Variants in MAGI2 observed in about 807,000 individuals in gnomAD.
MAGI2 encodes membrane-associated guanylate kinase, WW and PDZ domain-containing protein 2.
MAGI2 carries 35 observed loss-of-function variants against 133.3 expected under a neutral mutation model. That is an observed-to-expected ratio of 0.26 (90% confidence interval 0.20 to 0.35). MAGI2 has a LOEUF of 0.35. MAGI2 is among the 10% of genes least tolerant of loss of function. The pLI, the probability that MAGI2 is intolerant of heterozygous loss-of-function variation, is 1.00. For missense variants in MAGI2, 1,636 were observed against 1,863.4 expected (o/e 0.88, Z 2.25); for synonymous variants, 729 against 710.6 (o/e 1.03, Z -0.41).
chr7:78,146,171 G>C (rs1413813594), intron 16 of MAGI2, among the ~76,000 whole-genome samples: 3 of 151,536 alleles, frequency 2.0e-5, no homozygotes, highest in African/African-American at 7.3e-5. Context: ...AGTATTTTAG[G>C]TTCTGGGCCT....
chr7:79,174,837 G>T (rs936206137), intron 1 of MAGI2, among the ~76,000 whole-genome samples: 1 of 151,800 alleles, frequency 6.6e-6, no homozygotes, highest in Non-Finnish European at 1.5e-5. Flanking sequence ...TTAGACAACA[G>T]TGAAATATTA....
At chr7:78,953,243 GCATCTGGTATC>G (rs1265120127) in intron 2 of MAGI2, among the ~76,000 whole-genome samples, 3 of 152,032 alleles carry the variant, frequency 2.0e-5, no homozygotes, top group African/African-American at 7.2e-5. Context: ...TACTTATTTG[GCATCTGGTATC>G]CATCTGAATG....
chr7:78,912,064 A>G lies in MAGI2; in HGVS notation c.418+95026T>C, dbSNP rs1029786094. Among the ~76,000 whole-genome samples, 267 of 152,320 alleles carry G rather than the reference A, an allele frequency of 1.8e-3. 1 individual carries two copies. Among genetic ancestry groups the G allele is most frequent in the African/African-American group, 6.2e-3 (256 of 41,582 alleles). ...TAAAAATGAATAAAGATCATCTTTTATAATGGATTATCATATTGTTTCTTA... is the reference window on the plus strand; with the variant it reads ...TAAAAATGAATAAAGATCATCTTTTGTAATGGATTATCATATTGTTTCTTA... On this transcript the variant is annotated intron_variant, in intron 2 of 21. Coordinates refer to ENST00000354212, the MANE Select transcript of MAGI2 (RefSeq NM_012301.4).
chr7:78,928,583 A>T (rs1799884375), intron 2 of MAGI2, among the ~76,000 whole-genome samples: 1 of 152,084 alleles, frequency 6.6e-6, no homozygotes, highest in Non-Finnish European at 1.5e-5. Flanking sequence ...CTTCTCAGGC[A>T]CTTGAAACAT....
At chr7:79,201,046 A>C (rs928811545) in intron 1 of MAGI2, among the ~76,000 whole-genome samples, 1 of 151,960 alleles carries the variant, frequency 6.6e-6, no homozygotes, top group Non-Finnish European at 1.5e-5. Context: ...AAGATAGTGC[A>C]ATCAACGTAC....
chr7:78,637,488 G>C (rs552371685), intron 2 of MAGI2, among the ~76,000 whole-genome samples: 15 of 151,268 alleles, frequency 9.9e-5, no homozygotes, highest in African/African-American at 3.6e-4. Context: ...AACTATGGTG[G>C]ATGTCAAAAA....
At chr7:78,712,402 G>A (rs1000969210) in intron 2 of MAGI2, among the ~76,000 whole-genome samples, 3 of 152,112 alleles carry the variant, frequency 2.0e-5, no homozygotes, top group African/African-American at 4.8e-5. Flanking sequence ...TATAAAGATT[G>A]TATAACAAAT....
chr7:78,472,893 C>A (rs1224695473), intron 6 of MAGI2, among the ~76,000 whole-genome samples: 3 of 152,054 alleles, frequency 2.0e-5, no homozygotes, highest in Non-Finnish European at 4.4e-5. Flanking sequence ...GTTGTCTATC[C>A]CTGGGCTCTG....
At chr7:79,031,279 A>G (rs1584739248) in intron 1 of MAGI2, among the ~76,000 whole-genome samples, 2 of 152,140 alleles carry the variant, frequency 1.3e-5, no homozygotes, top group South Asian at 4.1e-4. Context: ...CTAAAATTAT[A>G]TATTTACTTG....
intron 9 of MAGI2, among the ~76,000 whole-genome samples, chr7:78,282,305 AGTGATACT>A (rs1272066129): frequency 6.6e-6 from 1 of 152,110 alleles, no homozygotes; most frequent in Non-Finnish European, 1.5e-5. Context: ...AGGCCATTGA[AGTGATACT>A]GTTTGTCTTG....
intron 5 of MAGI2, among the ~76,000 whole-genome samples, chr7:78,497,773 T>TGTCTGTCTGTC (rs1794259068): frequency 8.6e-5 from 13 of 151,622 alleles, no homozygotes; most frequent in African/African-American, 1.2e-4. Flanking sequence ...TCTTTCTATC[T>TGTCTGTCTGTC]TATACACAGA....
At chr7:79,043,401 A>G (rs1003692265) in intron 1 of MAGI2, among the ~76,000 whole-genome samples, 17 of 151,084 alleles carry the variant, frequency 1.1e-4, no homozygotes, top group African/African-American at 3.2e-4. Flanking sequence ...AAACTAGCTG[A>G]GTGTGTTGGT....
At chr7:78,792,946 G>A (rs903322713) in intron 2 of MAGI2, among the ~76,000 whole-genome samples, 5 of 152,180 alleles carry the variant, frequency 3.3e-5, no homozygotes, top group Admixed American at 6.5e-5. Flanking sequence ...ATGTTAATAC[G>A]TCAGCACACC....
In MAGI2 at chr7:78,245,764, A is replaced by C. The variant is rs189471876; in HGVS notation, c.2047+10179T>G. Among the ~76,000 whole-genome samples the C allele has an allele frequency of 2.6e-4, 39 of 152,296 alleles. 1 individual carries two copies. Among genetic ancestry groups the C allele is most frequent in the Admixed American group, 2.0e-3 (30 of 15,290 alleles). ...ACCACTGGGGACTCCTGCAGTCCTCACAGACACTGAACCCAGCTGAAGGAG... is the reference window on the plus strand; with the variant it reads ...ACCACTGGGGACTCCTGCAGTCCTCCCAGACACTGAACCCAGCTGAAGGAG... On this transcript the variant is annotated intron_variant, in intron 10 of 21. Transcript: ENST00000354212.
chr7:78,835,841 A>C (rs1159145), intron 2 of MAGI2, among the ~76,000 whole-genome samples: 14,196 of 152,270 alleles, frequency 0.093, 775 homozygotes, highest in Middle Eastern at 0.15. Context: ...GGTCTGAGCC[A>C]TACAGAGGAA....
In MAGI2 at chr7:79,125,697, T is replaced by C. The variant is rs192475394; in HGVS notation, c.302-118491A>G. 337 of 528,206 alleles carry C rather than the reference T, an allele frequency of 6.4e-4. 1 individual carries two copies. Among genetic ancestry groups the C allele is most frequent in the African/African-American group, 5.7e-3 (297 of 52,242 alleles). The allele number at this position is 528,206 out of a possible 1,614,324, so 32.7% of individuals were successfully genotyped here. On this transcript the variant is annotated intron_variant, in intron 1 of 21. Transcript: ENST00000354212. ...TTTTGGAGCCATGAAGGGAGGAAAC[T>C]TTGGAGGCAGAAGCTCTGGCCCCTA...
At chr7:78,909,602 C>CA (rs1237807866) in intron 2 of MAGI2, among the ~76,000 whole-genome samples, 2,099 of 41,586 alleles carry the variant, frequency 0.05, 88 homozygotes, top group African/African-American at 0.085. Context: ...GACTCCATCT[C>CA]AAAAAAAAAA....
At chr7:78,914,313 G>C (rs555932678) in intron 2 of MAGI2, among the ~76,000 whole-genome samples, 78 of 152,072 alleles carry the variant, frequency 5.1e-4, no homozygotes, top group African/African-American at 1.9e-3. Flanking sequence ...GCATTTCTAG[G>C]TGTTCAACTA....
chr7:78,408,547 T>C (rs1271440787), intron 6 of MAGI2, among the ~76,000 whole-genome samples: 4 of 151,982 alleles, frequency 2.6e-5, no homozygotes, highest in Admixed American at 2.6e-4. Context: ...AGAGGCTTAC[T>C]ACAGTACCTA....
Sources: gnomAD v4.1 joint callset for allele counts (sites outside exome capture counted in the v4.1 genomes callset) on GRCh38, gnomAD v4.1.1 for gene constraint, MANE v1.5 for transcripts, NCBI Gene and HGNC (gene_info 2026-07-23, HGNC 2026-07-21) for gene names.